Variants in FSTL5 observed in about 807,000 individuals in gnomAD.
FSTL5 encodes follistatin-related protein 5.
FSTL5 carries 62 observed loss-of-function variants against 89.1 expected under a neutral mutation model. The observed-to-expected ratio is 0.70, with a 90% CI of 0.57 to 0.86. The LOEUF (loss-of-function observed/expected upper bound fraction) is 0.86. Among genes scored for constraint, FSTL5 ranks in the 40% least tolerant of loss-of-function variants. The probability of loss-of-function intolerance (pLI) is 0.00; values close to 1 mark genes in which losing one functional copy is unlikely to be tolerated. For missense variants in FSTL5, 1,057 were observed against 1,001.6 expected, an observed-to-expected ratio of 1.06 and a Z score of -0.75; for synonymous variants, 383 against 346.2, an observed-to-expected ratio of 1.11 and a Z score of -1.18.
In FSTL5 at chr4:162,111,346, C is replaced by G. The variant is rs140747357; in HGVS notation, c.51G>C (p.Glu17Asp). 4.4e-3 allele frequency: 7,125 copies of G among 1,612,260 alleles called. 28 individuals carry two copies. Among genetic ancestry groups the G allele is most frequent in the Middle Eastern group, 8.9e-3 (54 of 6,050 alleles). ...VVLVLGFIFLESEGRPTKEGG... is the reference protein window; with the variant it reads ...VVLVLGFIFLDSEGRPTKEGG... ...CTTCTTTGGTTGGCCTTCCTTCCGA[C>G]TCCAGAAAAATGAATCCGAGAACCA... The change falls in exon 2 of 16, where the codon GAG (glutamate) becomes GAC (aspartate). Residue 17 changes from glutamate to aspartate, a missense_variant. Physicochemically the swap from Glu to Asp is conservative, Grantham distance 45. Coordinates refer to ENST00000306100, the MANE Select transcript of FSTL5 (RefSeq NM_020116.5).
intron 3 of FSTL5, among the ~76,000 whole-genome samples, chr4:161,979,251 C>A (rs564216465): frequency 2.0e-5 from 3 of 152,096 alleles, no homozygotes; most frequent in African/African-American, 7.2e-5. Flanking sequence ...TACACTGGTT[C>A]AAGAAGAATC....
chr4:161,824,303 T>C (rs1413401247), intron 4 of FSTL5, among the ~76,000 whole-genome samples: 2 of 152,202 alleles, frequency 1.3e-5, no homozygotes, highest in Non-Finnish European at 2.9e-5. Context: ...GTTGGCTTTG[T>C]TGAAGGTCAG....
chr4:161,588,020 G>A (rs143735630), intron 7 of FSTL5, among the ~76,000 whole-genome samples: 124 of 151,930 alleles, frequency 8.2e-4, no homozygotes, highest in African/African-American at 2.6e-3. Context: ...CTAAAAATAC[G>A]TAAATTAGCT....
intron 7 of FSTL5, among the ~76,000 whole-genome samples, chr4:161,646,945 A>G (rs535348465): frequency 2.7e-4 from 41 of 152,178 alleles, no homozygotes; most frequent in Non-Finnish European, 5.7e-4. Context: ...CTCTACTTCC[A>G]TACATTGCCT....
At chr4:162,163,403 A>G (rs1733763113) in intron 1 of FSTL5, among the ~76,000 whole-genome samples, 1 of 149,644 alleles carries the variant, frequency 6.7e-6, no homozygotes, top group Non-Finnish European at 1.5e-5. Context: ...CTTCCCCTCT[A>G]GAATTTAGTG....
In FSTL5 at chr4:161,542,466, G is replaced by T. The variant is rs769135023; in HGVS notation, c.1177+66C>A. 1.2e-5 allele frequency: 13 copies of T among 1,068,848 alleles called. No individual in the cohort carries two copies. In the South Asian group the frequency reaches 3.8e-4, roughly 31 times the overall value. The allele number at this position is 1,068,848 out of a possible 1,614,324, so 66.2% of individuals were successfully genotyped here. A position where few individuals can be genotyped will look rare whatever the true frequency, so the allele number is the denominator to read the frequency against. ...ATTTTTCTTTTATTTTCCAAAGAAC[G>T]TTATAAATTTTAGTATAAATTTTCA... On this transcript the variant is annotated intron_variant, in intron 9 of 15. Coordinates refer to ENST00000306100, the MANE Select transcript of FSTL5 (RefSeq NM_020116.5).
At chr4:162,097,926 C>T (rs1730830217) in intron 2 of FSTL5, among the ~76,000 whole-genome samples, 1 of 151,802 alleles carries the variant, frequency 6.6e-6, no homozygotes, top group Non-Finnish European at 1.5e-5. Flanking sequence ...TTAAAAATGC[C>T]TGCACTATGA....
At chr4:161,813,043 T>C (rs1197729227) in intron 4 of FSTL5, among the ~76,000 whole-genome samples, 1 of 151,610 alleles carries the variant, frequency 6.6e-6, no homozygotes, top group Non-Finnish European at 1.5e-5. Context: ...TTTTTTTTTT[T>C]TGAGGCAGAG....
At chr4:162,062,358 T>A (rs1202160832) in intron 2 of FSTL5, among the ~76,000 whole-genome samples, 1 of 151,962 alleles carries the variant, frequency 6.6e-6, no homozygotes, top group African/African-American at 2.4e-5. Flanking sequence ...CATTGTGTAC[T>A]TGTTGAGAGA....
intron 1 of FSTL5, among the ~76,000 whole-genome samples, chr4:162,132,714 C>CA (rs1732354308): frequency 6.6e-6 from 1 of 152,098 alleles, no homozygotes; most frequent in South Asian, 2.1e-4. Context: ...AAGCTGCACT[C>CA]AAAAAAATTG....
chr4:161,504,365 A>T (rs941146400), intron 11 of FSTL5, among the ~76,000 whole-genome samples: 1 of 151,978 alleles, frequency 6.6e-6, no homozygotes, highest in African/African-American at 2.4e-5. Context: ...TTCTCTCTTC[A>T]TGAATGCATT....
chr4:162,066,302 C>CTTCTTCTTCTTCTTCTTCT (rs1561000322), intron 2 of FSTL5, among the ~76,000 whole-genome samples: 224 of 29,046 alleles, frequency 7.7e-3, no homozygotes, highest in Middle Eastern at 0.083. Context: ...TCCTACTTTT[C>CTTCTTCTTCTTCTTCTTCT]TTCTTCTTCT....
intron 2 of FSTL5, among the ~76,000 whole-genome samples, chr4:162,110,297 T>C (rs943207524): frequency 2.0e-5 from 3 of 151,986 alleles, no homozygotes; most frequent in African/African-American, 7.2e-5. Flanking sequence ...TAAGATTGCT[T>C]TGAAGATTAA....
At chr4:161,694,546 C>G (rs112292138) in intron 6 of FSTL5, among the ~76,000 whole-genome samples, 1 of 152,038 alleles carries the variant, frequency 6.6e-6, no homozygotes, top group African/African-American at 2.4e-5. Context: ...TTTTCTTAAG[C>G]TCTTTGAAAA....
At chr4:162,007,696 G>A (rs1736651330) in intron 3 of FSTL5, among the ~76,000 whole-genome samples, 1 of 151,794 alleles carries the variant, frequency 6.6e-6, no homozygotes, top group African/African-American at 2.4e-5. Flanking sequence ...TCTCTGCCGT[G>A]TAATAGGCAA....
At chr4:161,833,862 G>A (rs1290782451) in intron 4 of FSTL5, among the ~76,000 whole-genome samples, 1 of 151,806 alleles carries the variant, frequency 6.6e-6, no homozygotes, top group East Asian at 1.9e-4. Flanking sequence ...CTTTTAATTG[G>A]AGCATTTAGT....
At chr4:162,153,539 G>T (rs1733310504) in intron 1 of FSTL5, among the ~76,000 whole-genome samples, 1 of 148,836 alleles carries the variant, frequency 6.7e-6, no homozygotes, top group South Asian at 2.1e-4. Context: ...ACCTGAAACA[G>T]CAGGTATTTA....
intron 4 of FSTL5, among the ~76,000 whole-genome samples, chr4:161,836,814 A>G (rs1405386374): frequency 6.6e-6 from 1 of 152,072 alleles, no homozygotes; most frequent in Non-Finnish European, 1.5e-5. Flanking sequence ...ATATGAAGAG[A>G]TATTTAAGAG....
intron 3 of FSTL5, among the ~76,000 whole-genome samples, chr4:161,968,618 C>T (rs1234324320): frequency 6.6e-6 from 1 of 151,792 alleles, no homozygotes; most frequent in African/African-American, 2.4e-5. Context: ...AGAAGGGATC[C>T]CAGAGATGTT....
Sources: gnomAD v4.1 joint callset for allele counts (sites outside exome capture counted in the v4.1 genomes callset) on GRCh38, gnomAD v4.1.1 for gene constraint, MANE v1.5 for transcripts, NCBI Gene and HGNC (gene_info 2026-07-23, HGNC 2026-07-21) for gene names.